The following NAV1 variants were observed in gnomAD, a reference collection of about 807,000 sequenced individuals.
The protein encoded by NAV1 is neuron navigator 1.
Under a neutral mutation model 175.2 loss-of-function variants are expected in NAV1, and 18 were observed. The observed-to-expected ratio is 0.10, with a 90% confidence interval of 0.07 to 0.15. The LOEUF is 0.15. Ranked by LOEUF, NAV1 falls within the 10% of genes least tolerant of loss-of-function variation. The pLI is 1.00. For missense variants in NAV1, 1,731 were observed against 2,436.6 expected, an observed-to-expected ratio of 0.71 and a Z score of 6.10; for synonymous variants, 897 against 978.7, an observed-to-expected ratio of 0.92 and a Z score of 1.56.
chr1:201,728,898 G>T (rs1232412014), intron 3 of NAV1, among the ~76,000 whole-genome samples: 2 of 152,236 alleles, frequency 1.3e-5, no homozygotes, highest in Admixed American at 1.3e-4. Flanking sequence ...GCTGCTGGAG[G>T]TATTCTAGTT....
exon 2 of NAV1, chr1:201,712,879 G>C: frequency 6.2e-7 from 1 of 1,614,066 alleles, no homozygotes; most frequent in African/African-American, 1.3e-5. Context: ...GAACCTGGAA[G>C]AGACCATGTC....
intron 15 of NAV1, among the ~76,000 whole-genome samples, chr1:201,799,764 A>G (rs541157778): frequency 1.8e-4 from 28 of 151,974 alleles, no homozygotes; most frequent in Middle Eastern, 6.8e-3. Flanking sequence ...GGAGGCTGAG[A>G]CAGGAGAATT....
chr1:201,732,738 T>C (rs976014606), intron 3 of NAV1, among the ~76,000 whole-genome samples: 1 of 152,200 alleles, frequency 6.6e-6, no homozygotes, highest in African/African-American at 2.4e-5. Flanking sequence ...ACTGCAGATG[T>C]GGCAGGAGGA....
intron 1 of NAV1, among the ~76,000 whole-genome samples, chr1:201,669,523 T>C (rs1214736549): frequency 5.3e-5 from 8 of 152,340 alleles, no homozygotes; most frequent in African/African-American, 1.9e-4. Context: ...CAGGGCCTTG[T>C]AGATGAGGGT....
rs912228868 is a variant in NAV1 at position 201,782,748 on chromosome 1, G to A, written c.2236G>A (p.Val746Met). 6.2e-7 allele frequency: 1 copy of A among 1,614,058 alleles called. No individual in the cohort carries two copies. The highest frequency in any genetic ancestry group is 8.5e-7 in the Non-Finnish European group (1 of 1,179,926). The change falls in exon 6 of 30, where the codon GTG becomes ATG. Residue 746 changes from valine to methionine, a missense_variant. By Grantham distance (21) the Val-to-Met change is conservative. Transcript: ENST00000367296. The surrounding 1 kb of genome is among the most constrained non-coding windows in gnomAD (Gnocchi z 5.4). ...AAAGGAGAAGGCCAAAGCCAAGGCA[G>A]TGGCCTTGGACTCAGACAACATCTC...
At chr1:201,615,267 CT>C (rs949162841) in intron 2 of NAV1, among the ~76,000 whole-genome samples, 94 of 141,764 alleles carry the variant, frequency 6.6e-4, no homozygotes, top group Admixed American at 4.9e-4. Context: ...TTCTTTCTTT[CT>C]TTTTTTTTTT....
At chr1:201,578,019 T>C (rs1332410803) in intron 1 of NAV1, among the ~76,000 whole-genome samples, 1 of 152,180 alleles carries the variant, frequency 6.6e-6, no homozygotes, top group Non-Finnish European at 1.5e-5. Flanking sequence ...AATCTGTGGG[T>C]TTATGTCTCT....
chr1:201,605,630 C>T (rs1258996285), intron 2 of NAV1, among the ~76,000 whole-genome samples: 1 of 152,154 alleles, frequency 6.6e-6, no homozygotes. Flanking sequence ...GTCACATGAT[C>T]CCCTTTCTGT....
chr1:201,646,326 C>A (rs986782080), upstream of NAV1, among the ~76,000 whole-genome samples: 1 of 152,194 alleles, frequency 6.6e-6, no homozygotes, highest in Non-Finnish European at 1.5e-5. Flanking sequence ...GGTACAGAAT[C>A]CTCTTGTAAA....
Position 201,794,462 on chromosome 1 carries a change from T to A in NAV1, c.3406-4T>A, listed in dbSNP as rs117072123. 73 of 1,612,122 alleles carry A rather than the reference T, an allele frequency of 4.5e-5. No individual in the cohort carries two copies. The East Asian group carries it at 6.9e-4, about 15-fold the overall frequency. ...AGCCAACGCTATTTTCATTTCTCTC[T>A]TAGGACACTGAGCTGCTGGATTTGC... On this transcript the variant is annotated splice_polypyrimidine_tract_variant and splice_region_variant and intron_variant, in intron 14 of 29. Coordinates refer to ENST00000367296, the Ensembl canonical transcript of NAV1.
chr1:201,695,880 A>C (rs1290363650), intron 1 of NAV1, among the ~76,000 whole-genome samples: 1 of 152,186 alleles, frequency 6.6e-6, no homozygotes, highest in Non-Finnish European at 1.5e-5. Context: ...GGTTCTGGAG[A>C]AGGCCCAGCA....
At chr1:201,811,391 G>A (rs1035362835) in intron 24 of NAV1, among the ~76,000 whole-genome samples, 4 of 152,088 alleles carry the variant, frequency 2.6e-5, no homozygotes, top group African/African-American at 7.3e-5. Context: ...CCCAACTTTG[G>A]GGAATTTAGG....
chr1:201,681,060 C>G (rs899008071), intron 1 of NAV1, among the ~76,000 whole-genome samples: 2 of 152,202 alleles, frequency 1.3e-5, no homozygotes, highest in Non-Finnish European at 2.9e-5. Context: ...TTCCCTCCTT[C>G]CAGTTCACCC....
intron 2 of NAV1, among the ~76,000 whole-genome samples, chr1:201,638,369 C>T (rs1235404330): frequency 6.6e-6 from 1 of 152,226 alleles, no homozygotes; most frequent in Non-Finnish European, 1.5e-5. Context: ...CACATTCTCA[C>T]TCCCAGGATT....
At chr1:201,744,526 C>G (rs962378837) in intron 3 of NAV1, among the ~76,000 whole-genome samples, 1 of 152,030 alleles carries the variant, frequency 6.6e-6, no homozygotes, top group Non-Finnish European at 1.5e-5. Flanking sequence ...TATATTATTT[C>G]AAACCATGAG....
chr1:201,629,460 G>A, exon 2 of NAV1: 2 of 1,304,320 alleles, frequency 1.5e-6, no homozygotes, highest in Non-Finnish European at 2.0e-6. Flanking sequence ...CCCCTTGATG[G>A]CTATGCTGAG....
intron 3 of NAV1, among the ~76,000 whole-genome samples, chr1:201,730,292 G>A (rs767022170): frequency 5.9e-5 from 9 of 152,234 alleles, no homozygotes; most frequent in African/African-American, 1.2e-4. Flanking sequence ...CAATTTACAA[G>A]TGAAGAAATT....
rs567933035 is a variant in NAV1, at chr1:201,758,861, TAG to T, written c.1227-21557_1227-21556del. On this transcript the variant is annotated intron_variant, in intron 3 of 29. Transcript: ENST00000367296. The stretch of plus-strand genomic sequence containing the variant: ...ATATGTAGTGGTTAAAAACAGTCTT[TAG>T]AGTCAGACAGATCTTGATATTACAA... 8.1e-4 allele frequency among the ~76,000 whole-genome samples: 124 copies of T among 152,354 alleles called. 1 individual carries two copies. The highest frequency in any genetic ancestry group is 4.3e-3 in the Admixed American group (66 of 15,306).
At position 201,810,173 on chromosome 1, in the gene NAV1, A is replaced by C; in HGVS notation, c.4561+68A>C. 1 of 1,566,782 alleles carries C rather than the reference A, an allele frequency of 6.4e-7. No homozygotes were observed. Among genetic ancestry groups the C allele is most frequent in the Non-Finnish European group, 8.7e-7 (1 of 1,148,542 alleles). On this transcript the variant is annotated intron_variant, in intron 23 of 29. Coordinates refer to ENST00000367296, the Ensembl canonical transcript of NAV1. The surrounding 1 kb of genome is among the most constrained non-coding windows in gnomAD (Gnocchi z 6.0). ...CAGGGACAGGATCATCAAATAATCC[A>C]TCATGCATTCATTCACCAAGAACTC... is the stretch of plus-strand genomic sequence containing the variant.
Sources: gnomAD v4.1 joint callset for allele counts (sites outside exome capture counted in the v4.1 genomes callset) on GRCh38, gnomAD v4.1.1 for gene constraint, Gnocchi (gnomAD v3.1) non-coding constraint, MANE v1.5 for transcripts, NCBI Gene and HGNC (gene_info 2026-07-23, HGNC 2026-07-21) for gene names.